Variants in SLC10A7 observed in about 807,000 individuals in gnomAD.
The protein encoded by SLC10A7 is solute carrier family 10 member 7.
SLC10A7 carries 29 observed loss-of-function variants against 43.2 expected under a neutral mutation model. The ratio of observed to expected loss-of-function variants is 0.67; its 90% CI spans 0.50 to 0.92. SLC10A7 has a LOEUF of 0.92. Ranked by LOEUF, SLC10A7 falls within the 40% of genes least tolerant of loss-of-function variation. The pLI is 0.00. For missense variants in SLC10A7, 295 were observed against 403.2 expected, an observed-to-expected ratio of 0.73 and a Z score of 2.30; for synonymous variants, 152 against 144.8, an observed-to-expected ratio of 1.05 and a Z score of -0.35.
intron 4 of SLC10A7, 78 bp from the exon 5 acceptor site, chr4:146,442,899 C>G: frequency 9.7e-7 from 1 of 1,027,422 alleles, no homozygotes; most frequent in East Asian, 2.7e-5. Flanking sequence ...ATCATTCTCC[C>G]CTCCCCCACT....
intron 5 of SLC10A7, among the ~76,000 whole-genome samples, chr4:146,422,109 G>C (rs1473482452): frequency 1.3e-5 from 2 of 152,032 alleles, no homozygotes; most frequent in African/African-American, 4.8e-5. Context: ...ATAGCTTTCA[G>C]TATTGAAAAG....
At chr4:146,491,723 G>GGAAGGAAA (rs1440257900) in intron 4 of SLC10A7, among the ~76,000 whole-genome samples, 1 of 139,906 alleles carries the variant, frequency 7.1e-6, no homozygotes, top group East Asian at 2.3e-4. Context: ...AAGGAAGGAA[G>GGAAGGAAA]GAAGGAAGGA....
chr4:146,399,926 C>T (rs1739109518), intron 5 of SLC10A7, among the ~76,000 whole-genome samples: 1 of 151,976 alleles, frequency 6.6e-6, no homozygotes, highest in Non-Finnish European at 1.5e-5. Context: ...TGGCACAGAA[C>T]AAGCATTTTG....
At chr4:146,354,040 C>A (rs1463781371) in intron 5 of SLC10A7, among the ~76,000 whole-genome samples, 1 of 146,384 alleles carries the variant, frequency 6.8e-6, no homozygotes, top group Non-Finnish European at 1.5e-5. Flanking sequence ...CTGGCCAGGG[C>A]AATCAGGCAG....
At chr4:146,495,019 G>A (rs1735765467) in intron 4 of SLC10A7, among the ~76,000 whole-genome samples, 1 of 152,148 alleles carries the variant, frequency 6.6e-6, no homozygotes, top group African/African-American at 2.4e-5. Context: ...AAGCTAAAAG[G>A]TAGATACAGT....
intron 5 of SLC10A7, chr4:146,441,676 C>T: frequency 1.0e-6 from 1 of 984,458 alleles, no homozygotes. Context: ...TTTTGTTAAA[C>T]AGACTTTATT....
chr4:146,360,431 TTTC>T (rs1237875688), intron 5 of SLC10A7, among the ~76,000 whole-genome samples: 3 of 152,088 alleles, frequency 2.0e-5, no homozygotes, highest in Non-Finnish European at 4.4e-5. Context: ...TCCTCTTTCC[TTTC>T]TTCTTCTTCT....
chr4:146,493,299 ATAAC>A (rs1452521075), intron 4 of SLC10A7, among the ~76,000 whole-genome samples: 1 of 152,244 alleles, frequency 6.6e-6, no homozygotes, highest in Non-Finnish European at 1.5e-5. Context: ...TATTTAAAAT[ATAAC>A]TAATCAAAAT....
intron 5 of SLC10A7, among the ~76,000 whole-genome samples, chr4:146,405,086 T>G (rs1579101518): frequency 6.6e-6 from 1 of 152,198 alleles, no homozygotes; most frequent in Non-Finnish European, 1.5e-5. Flanking sequence ...GAAGATTTAC[T>G]ATAGTTTAGT....
At chr4:146,472,540 CT>C (rs1733667699) in intron 4 of SLC10A7, among the ~76,000 whole-genome samples, 1 of 151,212 alleles carries the variant, frequency 6.6e-6, no homozygotes, top group African/African-American at 2.4e-5. Context: ...GGGAACCCAG[CT>C]GGGATAGGAA....
chr4:146,503,827 A>C (rs112320132), intron 4 of SLC10A7, 22 bp downstream of exon 4: 3 of 1,609,268 alleles, frequency 1.9e-6, no homozygotes, highest in African/African-American at 1.3e-5. Context: ...TTATGTTTAA[A>C]TAAGGTAGCC....
At chr4:146,285,021 G>T (rs1471086740) in intron 9 of SLC10A7, among the ~76,000 whole-genome samples, 1 of 152,186 alleles carries the variant, frequency 6.6e-6, no homozygotes, top group Non-Finnish European at 1.5e-5. Context: ...GAGCCTTAAA[G>T]AATAGATTTA....
chr4:146,463,201 C>T (rs1451889491), intron 4 of SLC10A7, among the ~76,000 whole-genome samples: 1 of 152,120 alleles, frequency 6.6e-6, no homozygotes, highest in Non-Finnish European at 1.5e-5. Flanking sequence ...TTATTAAATA[C>T]ATGTGTCTAT....
At chr4:146,314,071 C>A (rs1445311847) in intron 6 of SLC10A7, among the ~76,000 whole-genome samples, 1 of 152,130 alleles carries the variant, frequency 6.6e-6, no homozygotes, top group Admixed American at 6.6e-5. Context: ...GGGAGGCAGA[C>A]CCAGGCTGAA....
intron 3 of SLC10A7, among the ~76,000 whole-genome samples, chr4:146,504,441 C>G (rs1345359175): frequency 6.8e-6 from 1 of 146,610 alleles, no homozygotes; most frequent in African/African-American, 2.5e-5. Context: ...ATGGTGTGAA[C>G]CTGGGAGGCA....
intron 10 of SLC10A7, 122 bp from the exon 11 acceptor site, chr4:146,258,959 C>T: frequency 3.6e-6 from 4 of 1,112,566 alleles, no homozygotes; most frequent in Non-Finnish European, 5.0e-6. Flanking sequence ...TGTTTATTCA[C>T]AGAACTGAAA....
At chr4:146,412,929 A>G (rs181694457) in intron 5 of SLC10A7, among the ~76,000 whole-genome samples, 1 of 152,164 alleles carries the variant, frequency 6.6e-6, no homozygotes, top group Admixed American at 6.6e-5. Context: ...GCTGTTCACC[A>G]CTCCATTTCC....
intron 4 of SLC10A7, among the ~76,000 whole-genome samples, chr4:146,485,902 A>G (rs929483583): frequency 5.9e-5 from 9 of 152,178 alleles, no homozygotes; most frequent in African/African-American, 1.9e-4. Flanking sequence ...AAAAGGCAGG[A>G]AAGAGAAGGC....
chr4:146,293,748 A>G (rs1730597446), intron 8 of SLC10A7, among the ~76,000 whole-genome samples, 182 bp downstream of exon 8: 1 of 152,190 alleles, frequency 6.6e-6, no homozygotes, highest in South Asian at 2.1e-4. Context: ...AAATTACGAT[A>G]TAAGTGTAAA....
Sources: gnomAD v4.1 joint callset for allele counts (sites outside exome capture counted in the v4.1 genomes callset) on GRCh38, gnomAD v4.1.1 for gene constraint, MANE v1.5 for transcripts, NCBI Gene and HGNC (gene_info 2026-07-23, HGNC 2026-07-21) for gene names.